The following KIF26B variants were observed in gnomAD, a reference collection of about 807,000 sequenced individuals.
The protein encoded by KIF26B is kinesin-like protein KIF26B.
A neutral mutation model predicts 151.2 loss-of-function variants in KIF26B; 63 were observed. That is an observed-to-expected ratio of 0.42 (90% confidence interval 0.34 to 0.51). KIF26B has a LOEUF of 0.51. KIF26B is among the 20% of genes least tolerant of loss of function. The probability of loss-of-function intolerance (pLI) is 0.07; values close to 1 mark genes in which losing one functional copy is unlikely to be tolerated. For missense variants in KIF26B, 2,813 were observed against 2,913.6 expected (o/e 0.97, Z 0.79); for synonymous variants, 1,357 against 1,262.1 (o/e 1.08, Z -1.59).
Position 245,572,650 on chromosome 1 carries a change from TAGAAG to T in KIF26B, c.1351-29926_1351-29922del, listed in dbSNP as rs2043076659. On this transcript the variant is annotated intron_variant, in intron 5 of 14. Transcript: ENST00000407071. This position sits in a 1 kb window ranked among gnomAD's most constrained non-coding sequence, Gnocchi z 4.2. ...AAATGAAATATTCAGTTGCCTTTCC[TAGAAG>T]GAATCATCCCGATGATACTATTCCT... Among the ~76,000 whole-genome samples the T allele has an allele frequency of 6.6e-6, 1 of 152,214 alleles. No homozygotes were observed. The highest frequency in any genetic ancestry group is 2.4e-5 in the African/African-American group (1 of 41,448).
intron 2 of KIF26B, among the ~76,000 whole-genome samples, chr1:245,310,687 G>T (rs926585963): frequency 6.6e-5 from 10 of 152,228 alleles, no homozygotes; most frequent in Admixed American, 1.3e-4. Flanking sequence ...GAAGCAGCAG[G>T]CACGTGTGCA....
At chr1:245,441,583 G>A (rs1659106238) in intron 4 of KIF26B, among the ~76,000 whole-genome samples, 1 of 152,076 alleles carries the variant, frequency 6.6e-6, no homozygotes, top group African/African-American at 2.4e-5. Context: ...TAACGTGTGT[G>A]AGTCCGACAG....
At chr1:245,372,283 T>G (rs897230984) in intron 3 of KIF26B, among the ~76,000 whole-genome samples, 17 of 152,260 alleles carry the variant, frequency 1.1e-4, no homozygotes, top group African/African-American at 4.1e-4. Flanking sequence ...TCATCCCATC[T>G]CCGCGCCCTA....
chr1:245,550,309 A>G (rs1661848572), intron 5 of KIF26B, among the ~76,000 whole-genome samples: 2 of 152,226 alleles, frequency 1.3e-5, no homozygotes, highest in Non-Finnish European at 2.9e-5. Flanking sequence ...GAAATCGGTG[A>G]TGGTAAAATT....
chr1:245,505,328 A>T (rs986400878), intron 4 of KIF26B, among the ~76,000 whole-genome samples: 1 of 151,870 alleles, frequency 6.6e-6, no homozygotes, highest in Admixed American at 6.6e-5. Flanking sequence ...TTATTAGCAG[A>T]CTTGGGATCT....
At position 245,667,431 on chromosome 1, in the gene KIF26B, G is replaced by A. The variant is rs569365248; in HGVS notation, c.2259-16802G>A. ...TGGATTCAGACAATCTGCCTGCCTC[G>A]GCCTCCCAAAGTGCTGGGATTACAG... On this transcript the variant is annotated intron_variant, in intron 10 of 14. Transcript: ENST00000407071. This position sits in a 1 kb window ranked among gnomAD's most constrained non-coding sequence, Gnocchi z 4.3. Among the ~76,000 whole-genome samples the A allele has an allele frequency of 1.3e-5, 2 of 151,902 alleles. No individual in the cohort carries two copies. Among genetic ancestry groups the A allele is most frequent in the African/African-American group, 4.8e-5 (2 of 41,388 alleles).
intron 4 of KIF26B, among the ~76,000 whole-genome samples, chr1:245,432,894 G>T (rs752975794): frequency 6.6e-6 from 1 of 152,176 alleles, no homozygotes; most frequent in African/African-American, 2.4e-5. Context: ...GCATGGAGAG[G>T]TCTGGTTGAC....
chr1:245,245,138 C>T (rs748510939), intron 2 of KIF26B, among the ~76,000 whole-genome samples: 52 of 152,146 alleles, frequency 3.4e-4, no homozygotes, highest in African/African-American at 9.7e-4. Context: ...GTTTAGCAGA[C>T]GGGATCTGAA....
chr1:245,435,266 C>A (rs1466321085), intron 4 of KIF26B, among the ~76,000 whole-genome samples: 24 of 152,148 alleles, frequency 1.6e-4, no homozygotes, highest in Admixed American at 1.6e-3. Flanking sequence ...CAGCCACCGC[C>A]CTCAGGGAGC....
intron 9 of KIF26B, among the ~76,000 whole-genome samples, chr1:245,644,702 T>TG (rs2043928360): frequency 1.3e-5 from 2 of 152,230 alleles, no homozygotes; most frequent in Non-Finnish European, 2.9e-5. Flanking sequence ...CCAGGCTGGC[T>TG]GTTAGGAAGT....
At chr1:245,599,227 T>G (rs2043366074) in intron 5 of KIF26B, among the ~76,000 whole-genome samples, 1 of 152,124 alleles carries the variant, frequency 6.6e-6, no homozygotes, top group Non-Finnish European at 1.5e-5. Flanking sequence ...AAAGGAATAA[T>G]GATACAAAGG....
At chr1:245,398,443 G>C (rs1207103456) in intron 3 of KIF26B, among the ~76,000 whole-genome samples, 1 of 152,126 alleles carries the variant, frequency 6.6e-6, no homozygotes, top group Non-Finnish European at 1.5e-5. Flanking sequence ...CTTTGGCAGA[G>C]ACTCCTCCTG....
intron 3 of KIF26B, among the ~76,000 whole-genome samples, chr1:245,377,205 G>A (rs779667783): frequency 1.4e-4 from 21 of 152,210 alleles, no homozygotes; most frequent in African/African-American, 1.9e-4. Context: ...GTGAGCCACC[G>A]CCCCCAGCCT....
At chr1:245,438,273 G>A (rs944765727) in intron 4 of KIF26B, among the ~76,000 whole-genome samples, 3 of 152,184 alleles carry the variant, frequency 2.0e-5, no homozygotes, top group Non-Finnish European at 4.4e-5. Context: ...TATAGCTGCT[G>A]TGTGCCACTT....
intron 10 of KIF26B, among the ~76,000 whole-genome samples, chr1:245,654,735 G>A (rs2044055399): frequency 6.6e-6 from 1 of 152,210 alleles, no homozygotes; most frequent in African/African-American, 2.4e-5. Flanking sequence ...ACTGGGCACA[G>A]CCCACTTGAT....
At chr1:245,533,038 C>A (rs1266335341) in intron 4 of KIF26B, among the ~76,000 whole-genome samples, 1 of 152,180 alleles carries the variant, frequency 6.6e-6, no homozygotes, top group Non-Finnish European at 1.5e-5. Context: ...GGATCTTGTT[C>A]CCTATCCCTG....
intron 6 of KIF26B, among the ~76,000 whole-genome samples, chr1:245,605,327 C>G (rs941448441): frequency 6.6e-6 from 1 of 152,194 alleles, no homozygotes; most frequent in African/African-American, 2.4e-5. Context: ...GGTGGGCACC[C>G]CTGGAGCCCC....
At chr1:245,402,819 T>A (rs1674038125) in intron 3 of KIF26B, among the ~76,000 whole-genome samples, 1 of 152,162 alleles carries the variant, frequency 6.6e-6, no homozygotes. Context: ...AACTTAGTGA[T>A]TAGGGGCTAT....
chr1:245,661,015 C>A (rs910798047), intron 10 of KIF26B, among the ~76,000 whole-genome samples: 1 of 145,954 alleles, frequency 6.9e-6, no homozygotes, highest in Non-Finnish European at 1.5e-5. Context: ...GAGACAGAGT[C>A]TCACTCTGTT....
Sources: allele counts gnomAD v4.1 joint callset (sites outside exome capture counted in the v4.1 genomes callset), GRCh38; gene constraint gnomAD v4.1.1; non-coding constraint Gnocchi (gnomAD v3.1); transcripts MANE v1.5; gene names NCBI Gene and HGNC (gene_info 2026-07-23, HGNC 2026-07-21).